CSMD1: variants seen among roughly 807,000 people sequenced by gnomAD.
CSMD1 encodes the protein CUB and Sushi multiple domains 1, also known as CUB and sushi domain-containing protein 1.
In CSMD1, 213 loss-of-function variants were observed where a neutral mutation model predicts 417.5. The observed-to-expected ratio is 0.51, with a 90% CI of 0.46 to 0.57. The LOEUF is 0.57. Ranked by LOEUF, CSMD1 falls within the 20% of genes least tolerant of loss-of-function variation. The probability of loss-of-function intolerance (pLI) is 0.00; values close to 1 mark genes in which losing one functional copy is unlikely to be tolerated. For synonymous variants in CSMD1, 2,862 were observed against 1,736.8 expected (o/e 1.65, Z -16.11); for missense variants, 6,923 against 4,529.7 (o/e 1.53, Z -15.17).
At chr8:3,935,204 G>C (rs1018827270) in intron 5 of CSMD1, among the ~76,000 whole-genome samples, 1 of 152,112 alleles carries the variant, frequency 6.6e-6, no homozygotes, top group Non-Finnish European at 1.5e-5. Flanking sequence ...TAATAACAAA[G>C]CTCCAACAGA....
intron 10 of CSMD1, among the ~76,000 whole-genome samples, chr8:3,556,517 CA>C (rs1799156267): frequency 1.2e-5 from 1 of 85,592 alleles, no homozygotes. Flanking sequence ...TTTTCACACG[CA>C]CACACACACA....
intron 3 of CSMD1, among the ~76,000 whole-genome samples, chr8:4,138,039 G>C (rs943270702): frequency 8.0e-6 from 1 of 125,482 alleles, no homozygotes; most frequent in Admixed American, 9.0e-5. Flanking sequence ...CACCATGCCC[G>C]GCTAATTTTT....
At chr8:4,825,595 A>G in intron 1 of CSMD1, among the ~76,000 whole-genome samples, 1 of 64,308 alleles carries the variant, frequency 1.6e-5, no homozygotes, top group Non-Finnish European at 4.0e-5. Context: ...ATCAAAAAGC[A>G]CAGAAAAGAA....
chr8:4,426,497 G>C (rs1026358105), intron 2 of CSMD1, among the ~76,000 whole-genome samples: 5 of 146,896 alleles, frequency 3.4e-5, no homozygotes, highest in African/African-American at 1.2e-4. Context: ...ATATAGTAAA[G>C]TTTTTATATA....
intron 10 of CSMD1, among the ~76,000 whole-genome samples, chr8:3,552,836 T>C (rs1037871339): frequency 6.6e-6 from 1 of 152,148 alleles, no homozygotes; most frequent in Non-Finnish European, 1.5e-5. Context: ...ATAATTTATA[T>C]TCTTTTAAAT....
intron 3 of CSMD1, among the ~76,000 whole-genome samples, chr8:4,334,927 G>A (rs1352528890): frequency 6.6e-6 from 1 of 152,114 alleles, no homozygotes; most frequent in Non-Finnish European, 1.5e-5. Context: ...TACCCCCACA[G>A]ATGCTGTATT....
chr8:4,011,680 G>C (rs535005811), intron 4 of CSMD1, among the ~76,000 whole-genome samples: 1 of 152,020 alleles, frequency 6.6e-6, no homozygotes, highest in Non-Finnish European at 1.5e-5. Context: ...TTTAAACTAC[G>C]AAATAATTAG....
intron 3 of CSMD1, among the ~76,000 whole-genome samples, chr8:4,252,581 A>G (rs944553074): frequency 6.6e-6 from 1 of 152,224 alleles, no homozygotes; most frequent in Non-Finnish European, 1.5e-5. Context: ...TACCTACACA[A>G]TGTCTACTCT....
intron 3 of CSMD1, among the ~76,000 whole-genome samples, chr8:4,308,152 G>A (rs1051195905): frequency 5.3e-5 from 8 of 152,168 alleles, no homozygotes; most frequent in African/African-American, 9.7e-5. Context: ...AAACAAGAGC[G>A]TTTCTTCGAA....
chr8:4,887,892 A>G (rs1355967646), intron 1 of CSMD1, among the ~76,000 whole-genome samples: 1 of 151,918 alleles, frequency 6.6e-6, no homozygotes, highest in African/African-American at 2.4e-5. Context: ...GTTAGTTTTC[A>G]TTCTTTTACT....
intron 3 of CSMD1, among the ~76,000 whole-genome samples, chr8:4,373,279 G>A (rs1263359265): frequency 6.6e-6 from 1 of 152,148 alleles, no homozygotes; most frequent in Non-Finnish European, 1.5e-5. Context: ...TGTCAAGTGT[G>A]ATCCAGGGAC....
chr8:3,017,703 T>G (rs1187692654), intron 52 of CSMD1, among the ~76,000 whole-genome samples: 1 of 151,868 alleles, frequency 6.6e-6, no homozygotes, highest in Non-Finnish European at 1.5e-5. Context: ...AGAACAGGTT[T>G]TGCTATTTGA....
At chr8:2,969,568 G>C (rs1026715329) in intron 57 of CSMD1, among the ~76,000 whole-genome samples, 1 of 152,110 alleles carries the variant, frequency 6.6e-6, no homozygotes. Context: ...TTTACCATCA[G>C]TATCTAACTT....
chr8:4,521,222 C>A (rs1279574822), intron 2 of CSMD1, among the ~76,000 whole-genome samples: 1 of 151,672 alleles, frequency 6.6e-6, no homozygotes, highest in Non-Finnish European at 1.5e-5. Context: ...TAAAATGTAA[C>A]AAAAAAGAAC....
At chr8:3,337,324 T>G (rs1435855381) in intron 23 of CSMD1, among the ~76,000 whole-genome samples, 2 of 152,222 alleles carry the variant, frequency 1.3e-5, no homozygotes, top group Non-Finnish European at 1.5e-5. Flanking sequence ...AACCTTTTTG[T>G]ATCTATTCAG....
rs1342942995 is a variant in CSMD1 at position 3,660,632 on chromosome 8, T to C, written c.1010-43835A>G. 2.0e-5 allele frequency among the ~76,000 whole-genome samples: 3 copies of C among 151,044 alleles called. No homozygotes were observed. The South Asian group carries it at 6.4e-4, about 32-fold the overall frequency. On this transcript the variant is annotated intron_variant, in intron 7 of 69. Coordinates refer to ENST00000635120, the MANE Select transcript of CSMD1 (RefSeq NM_033225.6). ...ACCTCCCAGGTTCAAGCGATTCTCC[T>C]ACCTCAGCCTCCTGAGTAGCTGGGA...
intron 1 of CSMD1, among the ~76,000 whole-genome samples, chr8:4,941,706 C>A (rs1041779084): frequency 2.0e-5 from 3 of 152,066 alleles, no homozygotes; most frequent in Non-Finnish European, 4.4e-5. Flanking sequence ...TCAAGCAATT[C>A]TCTCGCCTCA....
In CSMD1 at chr8:2,999,961, C is replaced by A. The variant is rs759966156; in HGVS notation, c.8200G>T (p.Val2734Phe). ...HKWSGQTPVCVPITCGHPGNP... is the reference protein window; with the variant it reads ...HKWSGQTPVCFPITCGHPGNP... ...CGTCCACAAAGAGTGCACTTACGGA[C>A]ACAGACAGGCGTTTGTCCAGACCAC... is the stretch of plus-strand genomic sequence containing the variant. The change falls in exon 53 of 70, where the codon GTC becomes TTC. Residue 2734 changes from valine (V) to phenylalanine (F), a missense_variant. Val to Phe is a conservative substitution (Grantham distance 50). Coordinates refer to ENST00000635120, the MANE Select transcript of CSMD1 (RefSeq NM_033225.6). 1 of 1,607,358 alleles carries A rather than the reference C, an allele frequency of 6.2e-7. No individual in the cohort carries two copies. The highest frequency in any genetic ancestry group is 8.5e-7 in the Non-Finnish European group (1 of 1,177,810).
At chr8:4,108,168 T>C (rs1400764102) in intron 3 of CSMD1, among the ~76,000 whole-genome samples, 1 of 151,916 alleles carries the variant, frequency 6.6e-6, no homozygotes, top group East Asian at 1.9e-4. Flanking sequence ...AGTTTTATTT[T>C]TATTAAGTTG....
Sources: allele counts gnomAD v4.1 joint callset (sites outside exome capture counted in the v4.1 genomes callset), GRCh38; gene constraint gnomAD v4.1.1; transcripts MANE v1.5; gene names NCBI Gene and HGNC (gene_info 2026-07-23, HGNC 2026-07-21).